Variants in PARD3B observed in about 807,000 individuals in gnomAD.
The protein encoded by PARD3B is par-3 family cell polarity regulator beta.
Under a neutral mutation model 130.2 loss-of-function variants are expected in PARD3B, and 103 were observed. The ratio of observed to expected loss-of-function variants is 0.79; its 90% confidence interval spans 0.67 to 0.93. The LOEUF (loss-of-function observed/expected upper bound fraction) is 0.93, where lower values mean the gene tolerates loss of function less well. PARD3B is among the 40% of genes least tolerant of loss of function. The pLI is 0.00. For synonymous variants in PARD3B, 583 were observed against 553.2 expected (o/e 1.05, Z -0.76); for missense variants, 1,609 against 1,499.2 (o/e 1.07, Z -1.21).
chr2:204,931,395 A>C (rs545801123), intron 2 of PARD3B, among the ~76,000 whole-genome samples: 4 of 152,088 alleles, frequency 2.6e-5, no homozygotes, highest in Non-Finnish European at 5.9e-5. Flanking sequence ...AAATGTTAGC[A>C]TATCAACTTT....
In PARD3B at chr2:205,395,433, ACTTT is replaced by A. The variant is rs377284502; in HGVS notation, c.2631-5573_2631-5570del. On this transcript the variant is annotated intron_variant, in intron 18 of 22. Coordinates refer to ENST00000406610, the MANE Select transcript of PARD3B (RefSeq NM_001302769.2). ...ACTCTTTTGCAACCACATTCTCTTG[ACTTT>A]CTTTCTAGCTCTCTTGCTGTTCTTT... Among the ~76,000 whole-genome samples the A allele has an allele frequency of 5.1e-3, 781 of 152,046 alleles. 6 individuals carry two copies. The highest frequency in any genetic ancestry group is 0.016 in the African/African-American group (679 of 41,482).
In PARD3B at chr2:205,584,978, A is replaced by G. The variant is rs146232333; in HGVS notation, c.3261-30478A>G. On this transcript the variant is annotated intron_variant, in intron 22 of 22. Coordinates refer to ENST00000406610, the MANE Select transcript of PARD3B (RefSeq NM_001302769.2). The surrounding 1 kb of genome is among the most constrained non-coding windows in gnomAD (Gnocchi z 5.5). ...TAGGTGCTTGCAACTTGTTGAAGGC[A>G]CAGGTGTCTAATTGCGCCCACAAAT... Among the ~76,000 whole-genome samples, 1 of 152,194 alleles carries G rather than the reference A, an allele frequency of 6.6e-6. No homozygotes were observed. Among genetic ancestry groups the G allele is most frequent in the African/African-American group, 2.4e-5 (1 of 41,458 alleles).
At chr2:205,547,827 A>C (rs2052443032) in intron 21 of PARD3B, among the ~76,000 whole-genome samples, 1 of 152,154 alleles carries the variant, frequency 6.6e-6, no homozygotes, top group South Asian at 2.1e-4. Context: ...TCTATTTTCC[A>C]AATGTTATGG....
At chr2:205,411,857 C>T (rs934549881) in intron 19 of PARD3B, among the ~76,000 whole-genome samples, 2 of 152,104 alleles carry the variant, frequency 1.3e-5, no homozygotes, top group African/African-American at 2.4e-5. Flanking sequence ...CTGGCTGCAG[C>T]CAGTTCTTGG....
chr2:205,216,985 G>A (rs113485554), intron 15 of PARD3B, among the ~76,000 whole-genome samples: 2 of 151,816 alleles, frequency 1.3e-5, no homozygotes, highest in African/African-American at 4.8e-5. Flanking sequence ...GTGTACAGAT[G>A]GCTTCTATGT....
At chr2:205,414,496 C>G (rs546031961) in intron 19 of PARD3B, among the ~76,000 whole-genome samples, 72 of 152,124 alleles carry the variant, frequency 4.7e-4, no homozygotes, top group African/African-American at 1.7e-3. Flanking sequence ...AATATCTTGC[C>G]AAACATTCTT....
intron 19 of PARD3B, among the ~76,000 whole-genome samples, chr2:205,427,961 C>T (rs965263146): frequency 3.3e-5 from 5 of 151,996 alleles, no homozygotes; most frequent in African/African-American, 4.8e-5. Context: ...ATGTTTTTTT[C>T]GCCATCCCCC....
intron 4 of PARD3B, among the ~76,000 whole-genome samples, chr2:205,059,028 C>G (rs1699907371): frequency 6.6e-6 from 1 of 151,294 alleles, no homozygotes; most frequent in Non-Finnish European, 1.5e-5. Context: ...GAAGATTTTG[C>G]CTTATGTTTT....
At chr2:204,879,064 G>A (rs2045947143) in intron 2 of PARD3B, among the ~76,000 whole-genome samples, 1 of 151,998 alleles carries the variant, frequency 6.6e-6, no homozygotes, top group South Asian at 2.1e-4. Flanking sequence ...TCCTATAATT[G>A]TCATCCCTTC....
chr2:205,256,021 G>T (rs1051182433), intron 16 of PARD3B, among the ~76,000 whole-genome samples: 1 of 152,004 alleles, frequency 6.6e-6, no homozygotes, highest in African/African-American at 2.4e-5. Flanking sequence ...AAATCCTGAG[G>T]CTATTCAAGA....
Position 205,128,375 on chromosome 2 carries a change from A to G in PARD3B, c.1434+2638A>G, listed in dbSNP as rs561291253. 6.9e-4 allele frequency among the ~76,000 whole-genome samples: 105 copies of G among 152,310 alleles called. No homozygotes were observed. The highest frequency in any genetic ancestry group is 2.5e-3 in the African/African-American group (102 of 41,580). On this transcript the variant is annotated intron_variant, in intron 10 of 22. Transcript: ENST00000406610. This position sits in a 1 kb window ranked among gnomAD's most constrained non-coding sequence, Gnocchi z 4.5. ...TAGAAGCTATGCCCCTCCACCAGGT[A>G]AGGGATGCTGATTTATCCCAGTTTG...
Position 205,280,702 on chromosome 2 carries a change from A to G in PARD3B, c.2186-19828A>G, listed in dbSNP as rs1053486176. On this transcript the variant is annotated intron_variant, in intron 16 of 22. Transcript: ENST00000406610. This position sits in a 1 kb window ranked among gnomAD's most constrained non-coding sequence, Gnocchi z 4.7. Reference sequence around the variant, plus strand: ...AAAGTTAACACTTAGTTAATTACCCAGAGCCTTGACATGTCCTATAATTGC... The same window carrying G: ...AAAGTTAACACTTAGTTAATTACCCGGAGCCTTGACATGTCCTATAATTGC... Among the ~76,000 whole-genome samples, 10 of 152,226 alleles carry G rather than the reference A, an allele frequency of 6.6e-5. No individual in the cohort carries two copies. Among genetic ancestry groups the G allele is most frequent in the African/African-American group, 2.4e-4 (10 of 41,460 alleles).
At chr2:205,395,559 C>T (rs1434608783) in intron 18 of PARD3B, among the ~76,000 whole-genome samples, 1 of 152,166 alleles carries the variant, frequency 6.6e-6, no homozygotes, top group Non-Finnish European at 1.5e-5. Flanking sequence ...ATGGACTCAT[C>T]TACTGGAATT....
chr2:205,401,224 A>G (rs1173073532), intron 19 of PARD3B, 101 bp downstream of exon 19: 2 of 944,432 alleles, frequency 2.1e-6, no homozygotes, highest in Non-Finnish European at 3.2e-6. Flanking sequence ...TTTAAGAAGT[A>G]TAGGGGTTGA....
chr2:204,692,350 A>G (rs1278004698), intron 2 of PARD3B, among the ~76,000 whole-genome samples: 1 of 152,008 alleles, frequency 6.6e-6, no homozygotes, highest in Non-Finnish European at 1.5e-5. Flanking sequence ...TTTATTTTTA[A>G]ATTTAGACTT....
chr2:204,650,055 A>C (rs2035426009), intron 1 of PARD3B, among the ~76,000 whole-genome samples: 1 of 152,216 alleles, frequency 6.6e-6, no homozygotes, highest in African/African-American at 2.4e-5. Flanking sequence ...AAGGAACTTA[A>C]ATTTACAAGA....
intron 2 of PARD3B, among the ~76,000 whole-genome samples, chr2:204,764,715 C>CGTGTGTGTGTGTGTGTGTGTGTGTGT (rs10522212): frequency 6.9e-6 from 1 of 145,644 alleles, no homozygotes; most frequent in Non-Finnish European, 1.5e-5. Flanking sequence ...GGCATGCATG[C>CGTGTGTGTGTGTGTGTGTGTGTGTGT]GTGTGTGTGT....
chr2:205,438,346 A>G (rs1401575416), intron 19 of PARD3B, among the ~76,000 whole-genome samples: 1 of 152,204 alleles, frequency 6.6e-6, no homozygotes, highest in Non-Finnish European at 1.5e-5. Flanking sequence ...TGTGATTTTT[A>G]AAAATCAAGC....
chr2:204,860,062 C>A (rs115418749), intron 2 of PARD3B, among the ~76,000 whole-genome samples: 1 of 152,044 alleles, frequency 6.6e-6, no homozygotes, highest in Non-Finnish European at 1.5e-5. Context: ...TGTAGAAATA[C>A]GGATTGTTTT....
Sources: gnomAD v4.1 joint callset for allele counts (sites outside exome capture counted in the v4.1 genomes callset) on GRCh38, gnomAD v4.1.1 for gene constraint, Gnocchi (gnomAD v3.1) non-coding constraint, MANE v1.5 for transcripts, NCBI Gene and HGNC (gene_info 2026-07-23, HGNC 2026-07-21) for gene names.